OPCML: variants seen among roughly 807,000 people sequenced by gnomAD.
OPCML encodes the protein opioid binding protein/cell adhesion molecule like, also known as opioid-binding protein/cell adhesion molecule.
In OPCML, 13 loss-of-function variants were observed where a neutral mutation model predicts 37.8. That is an observed-to-expected ratio of 0.34 (90% CI 0.22 to 0.55). OPCML has a LOEUF of 0.55. Ranked by LOEUF, OPCML falls within the 20% of genes least tolerant of loss-of-function variation. OPCML has a pLI of 0.91. For synonymous variants in OPCML, 176 were observed against 168.8 expected (o/e 1.04, Z -0.33); for missense variants, 341 against 435.6 (o/e 0.78, Z 1.93).
At chr11:133,191,076 A>G (rs7938176) in intron 1 of OPCML, among the ~76,000 whole-genome samples, 23,524 of 151,650 alleles carry the variant, frequency 0.16, 2,031 homozygotes, top group African/African-American at 0.23. Flanking sequence ...TTTTTTGAAA[A>G]CGGCTGTACC....
At chr11:132,681,984 A>G (rs540310686) in intron 2 of OPCML, among the ~76,000 whole-genome samples, 21 of 151,042 alleles carry the variant, frequency 1.4e-4, no homozygotes, top group Admixed American at 1.1e-3. Flanking sequence ...CTGATGCCCC[A>G]CTGAGCTGTC....
At chr11:133,482,104 C>A (rs1947384374) in intron 1 of OPCML, among the ~76,000 whole-genome samples, 1 of 152,254 alleles carries the variant, frequency 6.6e-6, no homozygotes, top group Non-Finnish European at 1.5e-5. Flanking sequence ...GAAGTGGAAG[C>A]AAGGAAGTCA....
At chr11:133,228,502 CAGCACCTTCGCGGGCCAGCCACAAGCCG>C (rs1171072294) in intron 1 of OPCML, among the ~76,000 whole-genome samples, 3 of 152,264 alleles carry the variant, frequency 2.0e-5, no homozygotes, top group Non-Finnish European at 4.4e-5. Flanking sequence ...ACAGTCCCTT[CAGCACCTTCGCGGGCCAGCCACAAGCCG>C]AGGTGCCCGC....
chr11:132,941,319 G>T (rs1388918489), intron 2 of OPCML, among the ~76,000 whole-genome samples: 4 of 152,204 alleles, frequency 2.6e-5, no homozygotes, highest in African/African-American at 9.7e-5. Flanking sequence ...GGGACAGGAA[G>T]AGGACAGAGG....
At chr11:133,005,857 T>C (rs1947100368) in intron 1 of OPCML, 3 of 985,318 alleles carry the variant, frequency 3.0e-6, no homozygotes, top group Non-Finnish European at 3.6e-6. Context: ...GGATCTATTT[T>C]TAATTTGCAC....
chr11:133,093,763 G>T (rs565109978), intron 1 of OPCML, among the ~76,000 whole-genome samples: 1 of 143,102 alleles, frequency 7.0e-6, no homozygotes, highest in Admixed American at 7.6e-5. Context: ...GCTAAGGTTA[G>T]CAATCTGTAC....
At chr11:132,962,764 C>T (rs1946120719) in intron 1 of OPCML, among the ~76,000 whole-genome samples, 1 of 152,140 alleles carries the variant, frequency 6.6e-6, no homozygotes. Flanking sequence ...TATTTTGATC[C>T]ATTCACGGGC....
At chr11:132,610,613 T>C (rs1238860657) in intron 3 of OPCML, among the ~76,000 whole-genome samples, 6 of 151,582 alleles carry the variant, frequency 4.0e-5, no homozygotes, top group African/African-American at 1.5e-4. Context: ...ACTAGGGGAG[T>C]GGGTGGGGGA....
At chr11:133,488,588 T>C (rs374423213) in intron 1 of OPCML, among the ~76,000 whole-genome samples, 13 of 152,110 alleles carry the variant, frequency 8.5e-5, no homozygotes, top group African/African-American at 3.1e-4. Context: ...GAATAAATCA[T>C]AGATGACACT....
chr11:132,504,719 G>A (rs1042505368), intron 4 of OPCML, among the ~76,000 whole-genome samples: 10 of 152,156 alleles, frequency 6.6e-5, no homozygotes, highest in Admixed American at 4.6e-4. Context: ...CTTGTCGGGA[G>A]AGAGAGGGTA....
chr11:133,050,052 G>T (rs1265297225), intron 1 of OPCML, among the ~76,000 whole-genome samples: 2 of 152,202 alleles, frequency 1.3e-5, no homozygotes, highest in South Asian at 4.1e-4. Context: ...TTAACAAGTT[G>T]AGAGTCTGTA....
chr11:133,062,314 C>T (rs1203784832), intron 1 of OPCML, among the ~76,000 whole-genome samples: 1 of 152,212 alleles, frequency 6.6e-6, no homozygotes, highest in Non-Finnish European at 1.5e-5. Flanking sequence ...ATCCCCGCTG[C>T]ACTTCCTTAT....
chr11:132,832,016 T>C (rs1158344456), intron 2 of OPCML, among the ~76,000 whole-genome samples: 1 of 151,852 alleles, frequency 6.6e-6, no homozygotes, highest in East Asian at 2.0e-4. Flanking sequence ...CATCGCACAA[T>C]GCTTACCTCT....
At chr11:133,477,110 A>T (rs1373612309) in intron 1 of OPCML, among the ~76,000 whole-genome samples, 1 of 152,164 alleles carries the variant, frequency 6.6e-6, no homozygotes, top group African/African-American at 2.4e-5. Context: ...CTGCCCATCA[A>T]GGGGATGTCT....
Position 132,497,610 on chromosome 11 carries a change from T to C in OPCML, c.505+31451A>G, listed in dbSNP as rs530831084. Among the ~76,000 whole-genome samples, 12 of 152,048 alleles carry C rather than the reference T, an allele frequency of 7.9e-5. 1 individual carries two copies. In the South Asian group the frequency reaches 1.5e-3, roughly 18 times the overall value. ...ATGCATATTTCTGAAGAAAGAACAT[T>C]CCAAGCAGAGGTAATAACCAATACC... is the stretch of plus-strand genomic sequence containing the variant. On this transcript the variant is annotated intron_variant, in intron 4 of 7. Transcript: ENST00000524381.
At position 133,399,400 on chromosome 11, in the gene OPCML, C is replaced by CA. The variant is rs562897547; in HGVS notation, c.61+132863dup. ...ATCAGTGAACTTAATCACTGGATGG[C>CA]AAAAAAACAGCTAACATGTCTAACA... On this transcript the variant is annotated intron_variant, in intron 1 of 7. Transcript: ENST00000524381. 1.8e-4 allele frequency among the ~76,000 whole-genome samples: 27 copies of CA among 152,040 alleles called. 1 individual carries two copies. In the South Asian group the frequency reaches 5.0e-3, roughly 28 times the overall value.
chr11:132,926,479 G>A (rs2659620), intron 2 of OPCML, among the ~76,000 whole-genome samples: 10,473 of 152,166 alleles, frequency 0.069, 422 homozygotes, highest in Middle Eastern at 0.16. Context: ...ATAGCCATGT[G>A]TATACAGGAA....
At chr11:132,643,202 A>G (rs771216438) in intron 3 of OPCML, among the ~76,000 whole-genome samples, 5 of 152,192 alleles carry the variant, frequency 3.3e-5, no homozygotes, top group Non-Finnish European at 7.3e-5. Context: ...ACTTGAATGC[A>G]GGAGGCAGAG....
chr11:133,089,240 G>C (rs1948867186), intron 1 of OPCML, among the ~76,000 whole-genome samples: 1 of 152,090 alleles, frequency 6.6e-6, no homozygotes, highest in Non-Finnish European at 1.5e-5. Context: ...CTGGAAATAT[G>C]ACAAAAAAAC....
Sources: gnomAD v4.1 joint callset for allele counts (sites outside exome capture counted in the v4.1 genomes callset) on GRCh38, gnomAD v4.1.1 for gene constraint, MANE v1.5 for transcripts, NCBI Gene and HGNC (gene_info 2026-07-23, HGNC 2026-07-21) for gene names.